FAM107B: variants seen among roughly 807,000 people sequenced by gnomAD.
The protein encoded by FAM107B is protein FAM107B.
Under a neutral mutation model 31.5 loss-of-function variants are expected in FAM107B, and 21 were observed. The observed-to-expected ratio is 0.67, with a 90% CI of 0.47 to 0.96. The LOEUF is 0.96. Among genes scored for constraint, FAM107B ranks in the 40% least tolerant of loss-of-function variants. The probability of loss-of-function intolerance (pLI) is 0.00; values close to 1 mark genes in which losing one functional copy is unlikely to be tolerated. For missense variants in FAM107B, 452 were observed against 377.1 expected, an observed-to-expected ratio of 1.20 and a Z score of -1.64; for synonymous variants, 157 against 141.5, an observed-to-expected ratio of 1.11 and a Z score of -0.78.
rs771630072 is a variant in FAM107B, at chr10:14,762,796, ACACAC to A, written c.411+11452_411+11456del. The stretch of plus-strand genomic sequence containing the variant: ...CACACACACACACACACACACACAC[ACACAC>A]AAAAAGAACATGTCACATTCAAATG... On this transcript the variant is annotated intron_variant, in intron 1 of 4. Coordinates refer to ENST00000181796, the MANE Select transcript of FAM107B (RefSeq NM_031453.4). 3.6e-4 allele frequency among the ~76,000 whole-genome samples: 54 copies of A among 148,714 alleles called. 1 individual carries two copies. Among genetic ancestry groups the A allele is most frequent in the African/African-American group, 1.3e-3 (52 of 38,522 alleles).
intron 1 of FAM107B, among the ~76,000 whole-genome samples, chr10:14,767,022 ATG>A (rs200871883): frequency 0.047 from 1,829 of 38,520 alleles, 123 homozygotes; most frequent in East Asian, 0.32. Context: ...CCTGATGTGT[ATG>A]TATATATATA....
intron 1 of FAM107B, among the ~76,000 whole-genome samples, chr10:14,699,604 A>G (rs1331086150): frequency 1.3e-5 from 2 of 152,230 alleles, no homozygotes; most frequent in South Asian, 2.1e-4. Flanking sequence ...AGCAAGGGAT[A>G]GCTACTTTAC....
chr10:14,653,000 T>C (rs1273423749), intron 2 of FAM107B, among the ~76,000 whole-genome samples: 2 of 152,224 alleles, frequency 1.3e-5, no homozygotes, highest in Admixed American at 6.5e-5. Flanking sequence ...CATGGACTTC[T>C]AGAAACATGG....
chr10:14,704,409 C>T (rs1017684001), intron 1 of FAM107B, among the ~76,000 whole-genome samples: 2 of 152,100 alleles, frequency 1.3e-5, no homozygotes, highest in Admixed American at 1.3e-4. Context: ...CAATAACAAA[C>T]AGTTTCCAAC....
chr10:14,673,432 C>T (rs969456809), intron 1 of FAM107B, among the ~76,000 whole-genome samples: 2 of 152,122 alleles, frequency 1.3e-5, no homozygotes, highest in Non-Finnish European at 2.9e-5. Flanking sequence ...ATAATGTCCT[C>T]CAGGCTCATC....
At chr10:14,577,782 A>G (rs1851511093) in intron 2 of FAM107B, among the ~76,000 whole-genome samples, 1 of 152,186 alleles carries the variant, frequency 6.6e-6, no homozygotes, top group Admixed American at 6.5e-5. Flanking sequence ...TTAACCCCCA[A>G]TGTGAACAAA....
chr10:14,524,110 C>T (rs530574413), intron 3 of FAM107B, among the ~76,000 whole-genome samples: 50 of 151,138 alleles, frequency 3.3e-4, no homozygotes, highest in African/African-American at 1.1e-3. Context: ...GGCACAATCT[C>T]GGCTCACTGC....
intron 1 of FAM107B, among the ~76,000 whole-genome samples, chr10:14,704,681 T>C (rs1384587636): frequency 6.6e-6 from 1 of 152,114 alleles, no homozygotes; most frequent in East Asian, 1.9e-4. Context: ...ACAGAATATA[T>C]AAAGAATGCC....
At chr10:14,655,067 G>A (rs1854009253) in intron 2 of FAM107B, among the ~76,000 whole-genome samples, 1 of 152,170 alleles carries the variant, frequency 6.6e-6, no homozygotes, top group African/African-American at 2.4e-5. Context: ...AGGCAAAAGG[G>A]GAGCTGGCAT....
At chr10:14,594,351 A>C (rs1021806437) in intron 2 of FAM107B, among the ~76,000 whole-genome samples, 1 of 151,944 alleles carries the variant, frequency 6.6e-6, no homozygotes, top group Non-Finnish European at 1.5e-5. Flanking sequence ...CAAAATATAA[A>C]ATTTAAAAAT....
Position 14,544,119 on chromosome 10 carries a change from G to A in FAM107B, c.470-13604C>T, listed in dbSNP as rs569400897. Among the ~76,000 whole-genome samples the A allele has an allele frequency of 1.6e-3, 245 of 152,256 alleles. 3 individuals carry two copies. Among genetic ancestry groups the A allele is most frequent in the African/African-American group, 5.7e-3 (236 of 41,538 alleles). On this transcript the variant is annotated intron_variant, in intron 2 of 4. Coordinates refer to ENST00000181796, the MANE Select transcript of FAM107B (RefSeq NM_031453.4). ...GGCCCAGGGTTAGAGAGGCCCACAC[G>A]GGAAGGCAGAGTGGAGCAGATGTTA... is the stretch of plus-strand genomic sequence containing the variant.
chr10:14,669,441 G>A (rs1306312804), intron 1 of FAM107B, among the ~76,000 whole-genome samples: 2 of 150,650 alleles, frequency 1.3e-5, no homozygotes, highest in African/African-American at 2.4e-5. Context: ...ATATCTGCAC[G>A]CCCATATTTA....
chr10:14,617,015 A>G (rs1367294387), intron 2 of FAM107B, among the ~76,000 whole-genome samples: 1 of 152,110 alleles, frequency 6.6e-6, no homozygotes, highest in African/African-American at 2.4e-5. Context: ...AAGGATAAGG[A>G]AGAGAAGAAA....
intron 2 of FAM107B, among the ~76,000 whole-genome samples, chr10:14,629,778 G>T (rs774428138): frequency 6.7e-6 from 1 of 150,020 alleles, no homozygotes; most frequent in Non-Finnish European, 1.5e-5. Flanking sequence ...CTCCCAAAGT[G>T]CTGGGATTAC....
intron 2 of FAM107B, among the ~76,000 whole-genome samples, chr10:14,601,623 T>G (rs1337037610): frequency 3.9e-5 from 6 of 152,090 alleles, no homozygotes; most frequent in Non-Finnish European, 7.4e-5. Flanking sequence ...TCACCTTCTC[T>G]AGGCTGAAAG....
intron 2 of FAM107B, among the ~76,000 whole-genome samples, chr10:14,628,112 G>GTTTTTTTTTTGTTTTTTTTTT (rs1554841912): frequency 1.1e-5 from 1 of 92,676 alleles, no homozygotes; most frequent in South Asian, 4.5e-4. Flanking sequence ...TGTTTTGCTG[G>GTTTTTTTTTTGTTTTTTTTTT]TTTTTTTTTT....
chr10:14,668,025 C>T (rs531544187), intron 1 of FAM107B, among the ~76,000 whole-genome samples: 10 of 151,546 alleles, frequency 6.6e-5, no homozygotes, highest in South Asian at 4.2e-4. Context: ...ATGATGGTGA[C>T]GGGGTTTTTT....
At chr10:14,534,809 C>CCT (rs1847438205) in intron 2 of FAM107B, 1 of 152,314 alleles carries the variant, frequency 6.6e-6, no homozygotes, top group Non-Finnish European at 1.5e-5. Context: ...TAAATCTTAT[C>CCT]CTCTCTTCAC....
intron 2 of FAM107B, among the ~76,000 whole-genome samples, chr10:14,594,430 G>A (rs896813839): frequency 6.6e-6 from 1 of 150,644 alleles, no homozygotes; most frequent in Admixed American, 6.6e-5. Context: ...CTTGAGCCCA[G>A]GAGTTCAAGG....
Sources: gnomAD v4.1 joint callset for allele counts (sites outside exome capture counted in the v4.1 genomes callset) on GRCh38, gnomAD v4.1.1 for gene constraint, MANE v1.5 for transcripts, NCBI Gene and HGNC (gene_info 2026-07-23, HGNC 2026-07-21) for gene names.